MYPN: variants seen among roughly 807,000 people sequenced by gnomAD.
MYPN encodes sarcomeric protein myopalladin, 145 kDa (MYOP).
Under a neutral mutation model 129.4 loss-of-function variants are expected in MYPN, and 63 were observed. The ratio of observed to expected loss-of-function variants is 0.49; its 90% CI spans 0.40 to 0.60. The LOEUF (loss-of-function observed/expected upper bound fraction) is 0.60. Among genes scored for constraint, MYPN ranks in the 20% least tolerant of loss-of-function variants. MYPN has a pLI of 0.00. For synonymous variants in MYPN, 629 were observed against 600.9 expected, an observed-to-expected ratio of 1.05 and a Z score of -0.68; for missense variants, 1,596 against 1,635.4, an observed-to-expected ratio of 0.98 and a Z score of 0.42.
intron 2 of MYPN, among the ~76,000 whole-genome samples, chr10:68,134,150 T>G (rs2042450515): frequency 6.6e-6 from 1 of 152,172 alleles, no homozygotes; most frequent in East Asian, 1.9e-4. Flanking sequence ...TTCAAGATGT[T>G]CGTTTGTTCA....
Position 68,166,429 on chromosome 10 carries a change from A to C in MYPN, c.1736A>C (p.Glu579Ala). ...SVEQPPKPKLEGVLVNHNEPR... is the reference protein window; with the variant it reads ...SVEQPPKPKLAGVLVNHNEPR... ...GAACAACCCCCCAAACCCAAACTCG[A>C]GGGGGTTCTGGTGAACCACAATGAG... Residue 579 changes from glutamate to alanine, a missense_variant, in exon 10 of 20, where the codon GAG becomes GCG. By Grantham distance (107) the Glu-to-Ala change is moderately radical. Transcript: ENST00000358913. 4 of 1,614,032 alleles carry C rather than the reference A, an allele frequency of 2.5e-6. No individual in the cohort carries two copies. The highest frequency in any genetic ancestry group is 2.5e-6 in the Non-Finnish European group (3 of 1,180,016).
At chr10:68,175,778 C>T (rs924138257) in intron 12 of MYPN, among the ~76,000 whole-genome samples, 1 of 152,174 alleles carries the variant, frequency 6.6e-6, no homozygotes, top group African/African-American at 2.4e-5. Context: ...TTTTTTGAAA[C>T]AGGTCTCGAT....
At chr10:68,201,787 A>C in intron 17 of MYPN, 42 bp from the exon 18 acceptor site, 4 of 1,607,904 alleles carry the variant, frequency 2.5e-6, no homozygotes, top group Non-Finnish European at 3.4e-6. Flanking sequence ...TCTCAAAAAA[A>C]AAAAAAAGAA....
intron 12 of MYPN, among the ~76,000 whole-genome samples, chr10:68,184,341 A>G (rs555504803): frequency 1.3e-5 from 2 of 152,224 alleles, no homozygotes; most frequent in Non-Finnish European, 2.9e-5. Flanking sequence ...GAGAATTGGT[A>G]AAAGGATCGG....
At chr10:68,182,421 TATATAACAC>T (rs1485994235) in intron 12 of MYPN, among the ~76,000 whole-genome samples, 56 of 98,198 alleles carry the variant, frequency 5.7e-4, no homozygotes, top group East Asian at 1.9e-3. Flanking sequence ...ATATAACATA[TATATAACAC>T]ATATATATAA....
chr10:68,135,695 G>C (rs1474134523), intron 2 of MYPN, among the ~76,000 whole-genome samples: 1 of 152,134 alleles, frequency 6.6e-6, no homozygotes, highest in Non-Finnish European at 1.5e-5. Context: ...CCCTAGTTGA[G>C]TTATTCAGTT....
chr10:68,103,507 T>G (rs1290259177), upstream of MYPN, among the ~76,000 whole-genome samples: 2 of 152,260 alleles, frequency 1.3e-5, no homozygotes, highest in Non-Finnish European at 2.9e-5. Flanking sequence ...AGTGGTATCT[T>G]TAACAATCCC....
intron 6 of MYPN, among the ~76,000 whole-genome samples, chr10:68,154,093 G>C (rs1327460081): frequency 6.6e-6 from 1 of 152,136 alleles, no homozygotes; most frequent in African/African-American, 2.4e-5. Context: ...TCCAAAACTA[G>C]TTCACTACTC....
chr10:68,106,712 T>C, upstream of MYPN: 3 of 717,032 alleles, frequency 4.2e-6, no homozygotes, highest in Middle Eastern at 6.9e-4. Flanking sequence ...TCTACTAGCA[T>C]GGAAATTCTC....
intron 13 of MYPN, among the ~76,000 whole-genome samples, chr10:68,193,738 G>C (rs2043554237): frequency 6.8e-6 from 1 of 146,738 alleles, no homozygotes; most frequent in African/African-American, 2.5e-5. Context: ...CTCTGTCTTT[G>C]AGAGATCTCC....
intron 6 of MYPN, among the ~76,000 whole-genome samples, chr10:68,152,469 C>A (rs1345117962): frequency 6.6e-6 from 1 of 152,076 alleles, no homozygotes; most frequent in Admixed American, 6.6e-5. Flanking sequence ...CCAGAGCATA[C>A]CTCTGGCACG....
intron 1 of MYPN, among the ~76,000 whole-genome samples, chr10:68,089,063 A>G (rs2041919083): frequency 6.6e-6 from 1 of 152,160 alleles, no homozygotes; most frequent in Admixed American, 6.5e-5. Context: ...ACAGAGTCTC[A>G]CTCTGTTACC....
At chr10:68,126,959 A>G (rs770365072) in intron 2 of MYPN, among the ~76,000 whole-genome samples, 45 of 152,330 alleles carry the variant, frequency 3.0e-4, no homozygotes, top group Middle Eastern at 3.4e-3. Context: ...ACTTGGAGCC[A>G]TCTCCTAGTT....
chr10:68,107,733 C>T (rs1271181674), upstream of MYPN, among the ~76,000 whole-genome samples: 1 of 152,266 alleles, frequency 6.6e-6, no homozygotes, highest in African/African-American at 2.4e-5. Context: ...ACTGCCCAAC[C>T]AGCTTTATTC....
intron 2 of MYPN, among the ~76,000 whole-genome samples, chr10:68,131,176 G>A (rs556523950): frequency 6.6e-6 from 1 of 152,268 alleles, no homozygotes; most frequent in South Asian, 2.1e-4. Context: ...ATCACTTGAG[G>A]TCAGGAGTTC....
intron 12 of MYPN, among the ~76,000 whole-genome samples, chr10:68,176,993 G>A (rs1416401658): frequency 2.0e-5 from 3 of 152,220 alleles, no homozygotes; most frequent in Non-Finnish European, 4.4e-5. Context: ...AATTATAGCT[G>A]TATTCAGCCT....
At position 68,131,950 on chromosome 10, in the gene MYPN, A is replaced by T. The variant is rs78308687; in HGVS notation, c.902+9610A>T. Reference sequence around the variant, plus strand: ...ATTCAACAACCGCTAAATTTATGGAAATCTATCTATAGATTTTTGGGTGTG... The same window carrying T: ...ATTCAACAACCGCTAAATTTATGGATATCTATCTATAGATTTTTGGGTGTG... On this transcript the variant is annotated intron_variant, in intron 2 of 19. Transcript: ENST00000358913. Among the ~76,000 whole-genome samples, 626 of 152,272 alleles carry T rather than the reference A, an allele frequency of 4.1e-3. 3 individuals carry two copies. Among genetic ancestry groups the T allele is most frequent in the African/African-American group, 0.014 (597 of 41,558 alleles).
chr10:68,125,930 C>A (rs1176977182), intron 2 of MYPN, among the ~76,000 whole-genome samples: 1 of 152,094 alleles, frequency 6.6e-6, no homozygotes, highest in Non-Finnish European at 1.5e-5. Flanking sequence ...AGGCAGACAG[C>A]AAACAAATCA....
At chr10:68,172,720 G>A (rs1490753189) in intron 10 of MYPN, among the ~76,000 whole-genome samples, 1 of 152,168 alleles carries the variant, frequency 6.6e-6, no homozygotes, top group Non-Finnish European at 1.5e-5. Context: ...TAATCAGGGT[G>A]AGCATATAAT....
Sources: gnomAD v4.1 joint callset for allele counts (sites outside exome capture counted in the v4.1 genomes callset) on GRCh38, gnomAD v4.1.1 for gene constraint, MANE v1.5 for transcripts, NCBI Gene and HGNC (gene_info 2026-07-23, HGNC 2026-07-21) for gene names.